SHANK2: variants seen among roughly 807,000 people sequenced by gnomAD.
SHANK2 encodes SH3 and multiple ankyrin repeat domains protein 2.
In SHANK2, 43 loss-of-function variants were observed where a neutral mutation model predicts 133.7. The ratio of observed to expected loss-of-function variants is 0.32; its 90% CI spans 0.25 to 0.41. The LOEUF is 0.41. SHANK2 is among the 10% of genes least tolerant of loss of function. SHANK2 has a pLI of 1.00. For missense variants in SHANK2, 1,994 were observed against 2,235.8 expected (o/e 0.89, Z 2.18); for synonymous variants, 1,017 against 952.8 (o/e 1.07, Z -1.24).
chr11:70,631,404 A>ACCCACACC (rs1555002171), intron 17 of SHANK2, among the ~76,000 whole-genome samples: 3 of 149,280 alleles, frequency 2.0e-5, no homozygotes, highest in African/African-American at 7.4e-5. Context: ...ACACACACAC[A>ACCCACACC]CACACCCACA....
At chr11:70,873,261 T>C (rs1431312724) in intron 11 of SHANK2, 1 of 395,490 alleles carries the variant, frequency 2.5e-6, no homozygotes, top group East Asian at 7.3e-5. Context: ...TGGAAGGCAT[T>C]AACATCCTCT....
chr11:70,674,360 C>CTT (rs879945786), intron 15 of SHANK2, among the ~76,000 whole-genome samples: 2 of 147,206 alleles, frequency 1.4e-5, no homozygotes, highest in African/African-American at 4.9e-5. Flanking sequence ...ATGATGTCCC[C>CTT]TTTTTTTTTT....
intron 2 of SHANK2, among the ~76,000 whole-genome samples, chr11:71,208,315 G>A (rs1406163791): frequency 6.6e-6 from 1 of 152,062 alleles, no homozygotes; most frequent in Non-Finnish European, 1.5e-5. Context: ...CAGGGGAGAT[G>A]GGGAAGTTGG....
chr11:70,786,117 G>A (rs1488699118), intron 14 of SHANK2, among the ~76,000 whole-genome samples: 1 of 152,178 alleles, frequency 6.6e-6, no homozygotes, highest in Non-Finnish European at 1.5e-5. Context: ...CTTTCAAGTG[G>A]AAACACAGCT....
chr11:70,846,171 T>C (rs782720241), intron 11 of SHANK2, among the ~76,000 whole-genome samples: 13 of 152,170 alleles, frequency 8.5e-5, no homozygotes, highest in Non-Finnish European at 1.5e-4. Flanking sequence ...GGGGTCTTTC[T>C]ACCGTGGCAG....
intron 10 of SHANK2, among the ~76,000 whole-genome samples, chr11:70,920,858 G>A (rs1186729034): frequency 1.3e-5 from 2 of 152,216 alleles, no homozygotes; most frequent in African/African-American, 4.8e-5. Flanking sequence ...TAAGATCAAG[G>A]AGGTTAAGTC....
At chr11:70,712,945 T>C (rs1945825097) in intron 14 of SHANK2, among the ~76,000 whole-genome samples, 1 of 152,248 alleles carries the variant, frequency 6.6e-6, no homozygotes, top group South Asian at 2.1e-4. Context: ...CACATGTGTA[T>C]GGCGTGTGTC....
At chr11:70,679,285 A>G (rs1454524285) in intron 15 of SHANK2, among the ~76,000 whole-genome samples, 1 of 152,224 alleles carries the variant, frequency 6.6e-6, no homozygotes, top group East Asian at 1.9e-4. Context: ...AGGTCCAGTG[A>G]GGAGCTCAAG....
At chr11:70,849,910 A>G (rs1949057579) in intron 11 of SHANK2, among the ~76,000 whole-genome samples, 1 of 152,164 alleles carries the variant, frequency 6.6e-6, no homozygotes, top group Non-Finnish European at 1.5e-5. Context: ...AAGTATATTC[A>G]CAGTGTTAGG....
chr11:70,858,155 C>A (rs1428216339), intron 11 of SHANK2, among the ~76,000 whole-genome samples: 1 of 152,200 alleles, frequency 6.6e-6, no homozygotes, highest in East Asian at 1.9e-4. Context: ...CAAGAAGGAG[C>A]CGAGTGCTGC....
chr11:71,200,417 T>G (rs921286668), intron 2 of SHANK2, among the ~76,000 whole-genome samples: 2 of 152,246 alleles, frequency 1.3e-5, no homozygotes, highest in African/African-American at 4.8e-5. Context: ...AACGCTGCCA[T>G]GAGCATGTAT....
intron 17 of SHANK2, among the ~76,000 whole-genome samples, chr11:70,506,380 G>C (rs372023358): frequency 6.6e-6 from 1 of 152,100 alleles, no homozygotes; most frequent in East Asian, 1.9e-4. Flanking sequence ...TGTACCCCTC[G>C]TAGACCTGCT....
chr11:70,824,359 A>C (rs1948605365), intron 11 of SHANK2, among the ~76,000 whole-genome samples: 1 of 152,122 alleles, frequency 6.6e-6, no homozygotes, highest in Non-Finnish European at 1.5e-5. Flanking sequence ...TCGCGGTGTC[A>C]CACCTGCTCT....
rs548254547 is a variant in SHANK2 at position 71,102,711 on chromosome 11, C to T, written c.592+7230G>A. On this transcript the variant is annotated intron_variant, in intron 6 of 25. Transcript: ENST00000601538. ...CTGGGTCATCCACGTCCAGCCAGGC[C>T]GGCTCATGCCAAGAGACCCCTGTTC... Among the ~76,000 whole-genome samples, 213 of 152,314 alleles carry T rather than the reference C, an allele frequency of 1.4e-3. 1 individual carries two copies. Among genetic ancestry groups the T allele is most frequent in the African/African-American group, 5.0e-3 (209 of 41,572 alleles).
chr11:71,250,121 C>T (rs1310853271), intron 1 of SHANK2, among the ~76,000 whole-genome samples: 3 of 124,906 alleles, frequency 2.4e-5, no homozygotes, highest in Non-Finnish European at 5.0e-5. Context: ...CCCCCCTCCC[C>T]GGGGGTGGGG....
intron 17 of SHANK2, among the ~76,000 whole-genome samples, chr11:70,627,109 G>A (rs572818909): frequency 2.6e-5 from 4 of 152,294 alleles, no homozygotes; most frequent in African/African-American, 9.6e-5. Flanking sequence ...CTCACAGCTC[G>A]CTCTAGCACT....
intron 17 of SHANK2, among the ~76,000 whole-genome samples, chr11:70,649,528 T>C (rs566481855): frequency 8.5e-5 from 13 of 152,236 alleles, no homozygotes. Context: ...CATTTGCCAG[T>C]CTAACCACTT....
At chr11:70,675,664 T>G (rs1305380336) in intron 15 of SHANK2, among the ~76,000 whole-genome samples, 1 of 152,222 alleles carries the variant, frequency 6.6e-6, no homozygotes, top group East Asian at 1.9e-4. Flanking sequence ...GGTGATTTAC[T>G]GTCCTGCCAG....
At chr11:70,951,190 G>T in intron 10 of SHANK2, 1 of 358,386 alleles carries the variant, frequency 2.8e-6, no homozygotes, top group Non-Finnish European at 5.3e-6. Context: ...GCTGTGCCGT[G>T]ACATCATAAA....
Sources: allele counts gnomAD v4.1 joint callset (sites outside exome capture counted in the v4.1 genomes callset), GRCh38; gene constraint gnomAD v4.1.1; transcripts MANE v1.5; gene names NCBI Gene and HGNC (gene_info 2026-07-23, HGNC 2026-07-21).